Variants in PCLO observed in about 807,000 individuals in gnomAD.
The protein encoded by PCLO is piccolo presynaptic cytomatrix protein.
A neutral mutation model predicts 427.5 loss-of-function variants in PCLO; 82 were observed. The observed-to-expected ratio is 0.19, with a 90% CI of 0.16 to 0.23. The LOEUF (loss-of-function observed/expected upper bound fraction) is 0.23, where lower values mean the gene tolerates loss of function less well. Ranked by LOEUF, PCLO falls within the 10% of genes least tolerant of loss-of-function variation. The pLI is 1.00. For synonymous variants in PCLO, 2,357 were observed against 2,155.4 expected, an observed-to-expected ratio of 1.09 and a Z score of -2.59; for missense variants, 6,239 against 6,115.9, an observed-to-expected ratio of 1.02 and a Z score of -0.67.
intron 3 of PCLO, among the ~76,000 whole-genome samples, chr7:83,052,466 T>A (rs1467408002): frequency 2.0e-5 from 3 of 152,052 alleles, no homozygotes; most frequent in Non-Finnish European, 4.4e-5. Flanking sequence ...AGACTACAGT[T>A]ACACTGGTAA....
intron 6 of PCLO, among the ~76,000 whole-genome samples, chr7:82,948,767 A>G (rs905206295): frequency 3.3e-5 from 5 of 152,102 alleles, no homozygotes; most frequent in Non-Finnish European, 7.4e-5. Context: ...TAATTAATTT[A>G]TATTATTAAA....
At chr7:83,092,996 A>T (rs1483025664) in intron 3 of PCLO, among the ~76,000 whole-genome samples, 3 of 151,874 alleles carry the variant, frequency 2.0e-5, no homozygotes, top group African/African-American at 7.3e-5. Context: ...ATATCAAATA[A>T]TATTATTGAA....
At chr7:83,086,214 G>A (rs1342616117) in intron 3 of PCLO, among the ~76,000 whole-genome samples, 1 of 151,654 alleles carries the variant, frequency 6.6e-6, no homozygotes, top group Non-Finnish European at 1.5e-5. Flanking sequence ...AGACTCAAGC[G>A]ATTCTCTTGC....
intron 3 of PCLO, among the ~76,000 whole-genome samples, chr7:82,971,566 C>G (rs1012183664): frequency 6.8e-6 from 1 of 146,068 alleles, no homozygotes. Flanking sequence ...TAATATATAT[C>G]ATGTTATATA....
rs201699382 is a variant in PCLO, at chr7:83,156,330, C to T, written c.311G>A (p.Arg104His). 2.9e-4 allele frequency: 461 copies of T among 1,612,744 alleles called. 1 individual carries two copies. In the Middle Eastern group the frequency reaches 7.8e-3, roughly 27 times the overall value. ...TTTACTGAGACCAGGTTGAGCTGGACGCCCAGGGTCCGGGGGTCTTCCTGA... is the reference window on the plus strand; with the variant it reads ...TTTACTGAGACCAGGTTGAGCTGGATGCCCAGGGTCCGGGGGTCTTCCTGA... ...KQSGRPPDPG[R>H]PAQPGLSKSR... The change falls in exon 2 of 25, where the codon CGT becomes CAT. Residue 104 changes from arginine to histidine, a missense_variant. Physicochemically the swap from Arg to His is conservative, Grantham distance 29. Coordinates refer to ENST00000333891, the MANE Select transcript of PCLO (RefSeq NM_033026.6).
At chr7:83,118,406 C>A (rs1337346147) in intron 3 of PCLO, among the ~76,000 whole-genome samples, 1 of 151,956 alleles carries the variant, frequency 6.6e-6, no homozygotes, top group African/African-American at 2.4e-5. Context: ...AATAATAGTA[C>A]CTGATTTTAA....
At chr7:82,938,752 T>C (rs1458286283) in intron 6 of PCLO, among the ~76,000 whole-genome samples, 1 of 152,036 alleles carries the variant, frequency 6.6e-6, no homozygotes, top group African/African-American at 2.4e-5. Flanking sequence ...TATGGTGCTG[T>C]TGGACTCAGA....
chr7:83,135,685 G>A (rs978187818), intron 2 of PCLO, 29 bp from the exon 3 acceptor site: 15 of 1,403,402 alleles, frequency 1.1e-5, no homozygotes, highest in East Asian at 9.7e-5. Flanking sequence ...AATGGTCACC[G>A]AGACAATACT....
chr7:82,956,389 A>C lies in PCLO; in HGVS notation c.4564T>G (p.Ser1522Ala), dbSNP rs770781504. 1 of 1,613,530 alleles carries C rather than the reference A, an allele frequency of 6.2e-7. No homozygotes were observed. Among genetic ancestry groups the C allele is most frequent in the South Asian group, 1.1e-5 (1 of 91,072 alleles). Residue 1522 changes from serine (S) to alanine (A), a missense_variant, in exon 5 of 25, where the codon TCA becomes GCA. By Grantham distance (99) the Ser-to-Ala change is moderately conservative. Around this residue, in one of 5 missense-constraint regions of PCLO, gnomAD observed 4,677 missense variants for 4,468.4 expected, o/e 1.05. Transcript: ENST00000333891. Reference sequence around the variant, plus strand: ...CTTCGTTTTCTTTGTGGAACAGGTGAGTTTTCACTTTCACTACTCTCTTCA... The same window carrying C: ...CTTCGTTTTCTTTGTGGAACAGGTGCGTTTTCACTTTCACTACTCTCTTCA... ...SVEESSESENSPVPQRKRRTS... is the reference protein window; with the variant it reads ...SVEESSESENAPVPQRKRRTS...
chr7:82,826,696 C>A (rs1472376733), intron 17 of PCLO, 36 bp from the exon 18 acceptor site: 2 of 1,341,982 alleles, frequency 1.5e-6, no homozygotes, highest in Non-Finnish European at 2.1e-6. Context: ...TTAAACCTAT[C>A]TTTCCATCAT....
rs1358496986 is a variant in PCLO at position 83,026,737 on chromosome 7, C to G, written c.3301-60250G>C. Among the ~76,000 whole-genome samples the G allele has an allele frequency of 1.2e-4, 18 of 151,888 alleles. 1 individual carries two copies. Among genetic ancestry groups the G allele is most frequent in the Admixed American group, 3.9e-4 (6 of 15,238 alleles). On this transcript the variant is annotated intron_variant, in intron 3 of 24. Coordinates refer to ENST00000333891, the MANE Select transcript of PCLO (RefSeq NM_033026.6). ...TCTCCTCAGCAAATGTAAAAGAACACAAATTATAACAAACTGTCTCTCAGA... is the reference window on the plus strand; with the variant it reads ...TCTCCTCAGCAAATGTAAAAGAACAGAAATTATAACAAACTGTCTCTCAGA...
intron 3 of PCLO, among the ~76,000 whole-genome samples, chr7:83,076,559 G>A (rs1789957159): frequency 6.6e-6 from 1 of 151,770 alleles, no homozygotes; most frequent in African/African-American, 2.4e-5. Context: ...CACCGCACCT[G>A]GCAGAGAAAT....
intron 8 of PCLO, among the ~76,000 whole-genome samples, chr7:82,904,599 T>C (rs1404024933): frequency 2.0e-5 from 3 of 151,958 alleles, no homozygotes; most frequent in Non-Finnish European, 2.9e-5. Flanking sequence ...TTCTTTCCAT[T>C]TGGTCACAAA....
chr7:82,851,702 C>T (rs62461390), intron 10 of PCLO, among the ~76,000 whole-genome samples: 4,960 of 151,944 alleles, frequency 0.033, 138 homozygotes, highest in African/African-American at 0.071. Context: ...TTATTAATCA[C>T]GACTATAGGT....
At chr7:82,996,690 C>T (rs1029086654) in intron 3 of PCLO, among the ~76,000 whole-genome samples, 5 of 151,898 alleles carry the variant, frequency 3.3e-5, no homozygotes, top group Admixed American at 1.3e-4. Context: ...CCTTTCCTTT[C>T]GTACATAGCC....
intron 2 of PCLO, among the ~76,000 whole-genome samples, chr7:83,139,393 T>C (rs181485712): frequency 2.8e-3 from 430 of 152,340 alleles, no homozygotes; most frequent in Non-Finnish European, 5.1e-3. Flanking sequence ...TGGAGCTTCA[T>C]CCATAGCCAG....
intron 7 of PCLO, among the ~76,000 whole-genome samples, 161 bp from the exon 8 acceptor site, chr7:82,909,174 T>C (rs1794263951): frequency 6.6e-6 from 1 of 152,050 alleles, no homozygotes; most frequent in African/African-American, 2.4e-5. Flanking sequence ...TTTGTTATTA[T>C]GCCAAAAATC....
intron 3 of PCLO, among the ~76,000 whole-genome samples, chr7:83,106,212 G>T (rs141823960): frequency 2.6e-5 from 4 of 152,308 alleles, no homozygotes; most frequent in African/African-American, 7.2e-5. Flanking sequence ...TCCCATGGGG[G>T]AGTCTCAGTA....
intron 6 of PCLO, among the ~76,000 whole-genome samples, chr7:82,930,937 T>C (rs960976367): frequency 2.6e-5 from 4 of 152,116 alleles, no homozygotes; most frequent in Non-Finnish European, 5.9e-5. Flanking sequence ...AATAAATTTA[T>C]ATATGAAAAG....
Sources: gnomAD v4.1 joint callset for allele counts (sites outside exome capture counted in the v4.1 genomes callset) on GRCh38, gnomAD v4.1.1 for gene constraint, gnomAD v4.1.1 regional missense constraint, MANE v1.5 for transcripts, NCBI Gene and HGNC (gene_info 2026-07-23, HGNC 2026-07-21) for gene names.